The following NBEA variants were observed in gnomAD, a reference collection of about 807,000 sequenced individuals.
The protein encoded by NBEA is lysosomal-trafficking regulator 2.
NBEA carries 44 observed loss-of-function variants against 343.4 expected under a neutral mutation model. The observed-to-expected ratio is 0.13, with a 90% CI of 0.10 to 0.16. The LOEUF is 0.16. NBEA is among the 10% of genes least tolerant of loss of function. NBEA has a pLI of 1.00. For synonymous variants in NBEA, 1,175 were observed against 1,238.7 expected, an observed-to-expected ratio of 0.95 and a Z score of 1.08; for missense variants, 2,555 against 3,631.3, an observed-to-expected ratio of 0.70 and a Z score of 7.62.
intron 55 of NBEA, among the ~76,000 whole-genome samples, chr13:35,657,157 T>C (rs2084850015): frequency 6.6e-6 from 1 of 152,192 alleles, no homozygotes; most frequent in South Asian, 2.1e-4. Flanking sequence ...TATGAGAAGA[T>C]AGTGGAAGAT....
intron 33 of NBEA, among the ~76,000 whole-genome samples, chr13:35,229,831 G>A (rs1352510484): frequency 6.6e-6 from 1 of 152,170 alleles, no homozygotes; most frequent in East Asian, 1.9e-4. Flanking sequence ...AATTTATACA[G>A]CATTTACAAC....
chr13:35,048,245 C>CT (rs2062934521), intron 4 of NBEA, among the ~76,000 whole-genome samples: 1 of 151,812 alleles, frequency 6.6e-6, no homozygotes, highest in African/African-American at 2.4e-5. Flanking sequence ...AATTGGGAGG[C>CT]TTATGTGTAA....
At chr13:34,982,711 G>A (rs149593540) in intron 1 of NBEA, among the ~76,000 whole-genome samples, 1 of 152,248 alleles carries the variant, frequency 6.6e-6, no homozygotes, top group African/African-American at 2.4e-5. Context: ...CTGTTTTGGT[G>A]AAAACACCAT....
intron 18 of NBEA, among the ~76,000 whole-genome samples, chr13:35,153,987 C>T (rs74048922): frequency 0.028 from 4,235 of 152,222 alleles, 87 homozygotes; most frequent in South Asian, 0.075. Flanking sequence ...TATCTCGTGT[C>T]AACTCCGTTT....
intron 40 of NBEA, among the ~76,000 whole-genome samples, chr13:35,467,087 T>C (rs1485556904): frequency 1.3e-5 from 2 of 152,196 alleles, no homozygotes; most frequent in Admixed American, 6.5e-5. Context: ...TTTATTATAT[T>C]CTTCAGTAAT....
At chr13:35,029,594 G>A (rs1431700883) in intron 1 of NBEA, among the ~76,000 whole-genome samples, 1 of 151,600 alleles carries the variant, frequency 6.6e-6, no homozygotes, top group African/African-American at 2.4e-5. Context: ...AAGAAATCCA[G>A]CAGTTTAACA....
intron 41 of NBEA, chr13:35,476,826 C>T: frequency 9.9e-7 from 1 of 1,012,810 alleles, no homozygotes; most frequent in Non-Finnish European, 1.2e-6. Flanking sequence ...GATATAGGCA[C>T]ACAAACTAAA....
At chr13:34,950,892 C>T (rs145621162) in intron 1 of NBEA, among the ~76,000 whole-genome samples, 129 of 152,104 alleles carry the variant, frequency 8.5e-4, no homozygotes, top group African/African-American at 2.9e-3. Flanking sequence ...AGTTCAAGAC[C>T]AACCTAAGCA....
rs544562263 is a variant in NBEA, at chr13:35,453,503, G to A, written c.6448+1268G>A. 3.4e-4 allele frequency among the ~76,000 whole-genome samples: 52 copies of A among 152,260 alleles called. No homozygotes were observed. The South Asian group carries it at 9.9e-3, about 29-fold the overall frequency. On this transcript the variant is annotated intron_variant, in intron 40 of 58. Coordinates refer to ENST00000379939, the MANE Select transcript of NBEA (RefSeq NM_001385012.1). ...CCATTTGGAAATTTAAGCTAATGAAGGTCATTGATTCTGTTTGCCCACAGA... is the reference window on the plus strand; with the variant it reads ...CCATTTGGAAATTTAAGCTAATGAAAGTCATTGATTCTGTTTGCCCACAGA...
chr13:35,397,743 T>C (rs186274962), intron 38 of NBEA, among the ~76,000 whole-genome samples: 22 of 152,310 alleles, frequency 1.4e-4, no homozygotes, highest in Non-Finnish European at 2.6e-4. Context: ...AAGTGTGCAA[T>C]AGCATTATGT....
chr13:35,375,505 G>T (rs2041691992), intron 38 of NBEA, among the ~76,000 whole-genome samples: 1 of 151,926 alleles, frequency 6.6e-6, no homozygotes, highest in Admixed American at 6.6e-5. Context: ...TTTGACTCTG[G>T]TTTTTCCCCT....
chr13:34,973,356 T>G (rs1399027783), intron 1 of NBEA, among the ~76,000 whole-genome samples: 2 of 150,140 alleles, frequency 1.3e-5, no homozygotes, highest in Non-Finnish European at 3.0e-5. Flanking sequence ...CACTTCTGCC[T>G]CTAGTTGGCT....
At position 35,196,204 on chromosome 13, in the gene NBEA, A is replaced by G. The variant is rs1320374709; in HGVS notation, c.5268A>G (p.Glu1756=). 1.2e-6 allele frequency: 2 copies of G among 1,613,504 alleles called. No homozygotes were observed. The highest frequency in any genetic ancestry group is 8.5e-7 in the Non-Finnish European group (1 of 1,179,732). The change falls in exon 31 of 59, where the codon GAA becomes GAG. Residue 1756 remains glutamate (E), a synonymous_variant. Coordinates refer to ENST00000379939, the MANE Select transcript of NBEA (RefSeq NM_001385012.1). ...ILKSLVAAPV[E]IAECGPEPIP... Reference sequence around the variant, plus strand: ...AAAGTCTTGTGGCTGCTCCAGTTGAAATAGCAGAATGTGGCCCTGAACCTA... The same window carrying G: ...AAAGTCTTGTGGCTGCTCCAGTTGAGATAGCAGAATGTGGCCCTGAACCTA...
chr13:35,116,354 A>G (rs1322901630), intron 13 of NBEA, among the ~76,000 whole-genome samples: 1 of 152,090 alleles, frequency 6.6e-6, no homozygotes, highest in Non-Finnish European at 1.5e-5. Flanking sequence ...TTTCATGATA[A>G]TTCGTTAAGT....
intron 6 of NBEA, among the ~76,000 whole-genome samples, chr13:35,051,727 G>C (rs775066868): frequency 6.6e-6 from 1 of 152,008 alleles, no homozygotes; most frequent in Non-Finnish European, 1.5e-5. Context: ...GTGAGACCAA[G>C]ATAGTTTGCT....
chr13:34,960,382 C>T (rs2059624467), intron 1 of NBEA, among the ~76,000 whole-genome samples: 3 of 151,910 alleles, frequency 2.0e-5, no homozygotes, highest in Non-Finnish European at 4.4e-5. Flanking sequence ...TTATAGTAAG[C>T]TAAGTTTACT....
At chr13:35,652,522 T>A (rs1397242252) in intron 53 of NBEA, among the ~76,000 whole-genome samples, 1 of 148,452 alleles carries the variant, frequency 6.7e-6, no homozygotes, top group East Asian at 2.1e-4. Context: ...GCACCTGTAG[T>A]CCCAGCTACT....
intron 33 of NBEA, among the ~76,000 whole-genome samples, chr13:35,223,912 A>G (rs751166344): frequency 5.3e-5 from 8 of 152,138 alleles, no homozygotes; most frequent in Non-Finnish European, 1.0e-4. Flanking sequence ...TCTGTTAGAA[A>G]ATGAGCTTCC....
chr13:35,042,244 CT>C (rs202084709), intron 2 of NBEA, among the ~76,000 whole-genome samples: 1,737 of 151,472 alleles, frequency 0.011, 31 homozygotes, highest in African/African-American at 0.04. Context: ...TGGCATATAT[CT>C]TTTTTTTAGA....
Sources: allele counts gnomAD v4.1 joint callset (sites outside exome capture counted in the v4.1 genomes callset), GRCh38; gene constraint gnomAD v4.1.1; transcripts MANE v1.5; gene names NCBI Gene and HGNC (gene_info 2026-07-23, HGNC 2026-07-21).